TMEM150B: variants seen among roughly 807,000 people sequenced by gnomAD.
The protein encoded by TMEM150B is modulator of macroautophagy TMEM150B.
TMEM150B carries 33 observed loss-of-function variants against 25.2 expected under a neutral mutation model. The observed-to-expected ratio is 1.31, with a 90% CI of 0.99 to 1.75. The LOEUF is 1.75. Ranked by LOEUF, TMEM150B falls within the 40% of genes most tolerant of loss-of-function variation. TMEM150B has a pLI of 0.00. For synonymous variants in TMEM150B, 133 were observed against 134.8 expected, an observed-to-expected ratio of 0.99 and a Z score of 0.09; for missense variants, 322 against 306.1, an observed-to-expected ratio of 1.05 and a Z score of -0.39.
chr19:55,322,429 G>T (rs1391591600), intron 2 of TMEM150B, among the ~76,000 whole-genome samples: 3 of 152,136 alleles, frequency 2.0e-5, no homozygotes, highest in Non-Finnish European at 4.4e-5. Flanking sequence ...AGGTGCATGA[G>T]ATTGTGGCCA....
At chr19:55,321,328 TC>T (rs2089202879) in intron 2 of TMEM150B, among the ~76,000 whole-genome samples, 1 of 149,742 alleles carries the variant, frequency 6.7e-6, no homozygotes, top group Admixed American at 6.6e-5. Context: ...TCCCAGCCTC[TC>T]CTTGCACCTC....
At position 55,320,342 on chromosome 19, in the gene TMEM150B, G is replaced by T. The variant is rs753804471; in HGVS notation, c.196+49C>A. The T allele has an allele frequency of 1.3e-6, 2 of 1,502,556 alleles. 1 individual carries two copies. Among genetic ancestry groups the T allele is most frequent in the Admixed American group, 4.7e-5 (2 of 42,208 alleles). The allele number at this position is 1,502,556 out of a possible 1,614,324, so 93.1% of individuals were successfully genotyped here. On this transcript the variant is annotated intron_variant, in intron 5 of 7. Transcript: ENST00000326652. ...TGAGAAAGGAGCGGTTTCGGAACTCGCTTGGCTGGGCTTGGGAGCACTGAA... is the reference window on the plus strand; with the variant it reads ...TGAGAAAGGAGCGGTTTCGGAACTCTCTTGGCTGGGCTTGGGAGCACTGAA...
chr19:55,314,236 G>C (rs2088917404), intron 7 of TMEM150B, among the ~76,000 whole-genome samples: 1 of 152,132 alleles, frequency 6.6e-6, no homozygotes, highest in South Asian at 2.1e-4. Context: ...TGGCCAGACA[G>C]GTCTTGAACT....
chr19:55,312,286 T>G (rs1472599919), downstream of TMEM150B: 1 of 296,544 alleles, frequency 3.4e-6, no homozygotes, highest in East Asian at 5.6e-5. Context: ...ATTTATTGAT[T>G]AATTTATTAT....
intron 5 of TMEM150B, 34 bp from the exon 6 acceptor site, chr19:55,320,200 G>T (rs1183814035): frequency 1.2e-6 from 2 of 1,606,496 alleles, no homozygotes; most frequent in Admixed American, 3.4e-5. Context: ...GTGGGAGGGA[G>T]ACCCACCAAG....
At position 55,322,697 on chromosome 19, in the gene TMEM150B, C is replaced by T. The variant is rs2089238562; in HGVS notation, c.-107G>A. On this transcript the variant is annotated 5_prime_UTR_variant, in exon 2 of 8. Coordinates refer to ENST00000326652, the MANE Select transcript of TMEM150B (RefSeq NM_001282011.2). ...AGTCCTGGAGCTGGGGCTGGGTGAGCTCAGGGAAGAAGGGCTGGCATTCGG... is the reference window on the plus strand; with the variant it reads ...AGTCCTGGAGCTGGGGCTGGGTGAGTTCAGGGAAGAAGGGCTGGCATTCGG... The T allele has an allele frequency of 1.0e-6, 1 of 985,336 alleles. No individual in the cohort carries two copies. Among genetic ancestry groups the T allele is most frequent in the Non-Finnish European group, 1.2e-6 (1 of 830,044 alleles). The allele number at this position is 985,336 out of a possible 1,614,324, so 61.0% of individuals were successfully genotyped here. A position where few individuals can be genotyped will look rare whatever the true frequency, so the allele number is the denominator to read the frequency against.
At chr19:55,311,184 A>C (rs1425646024), downstream of TMEM150B, among the ~76,000 whole-genome samples, 1 of 150,966 alleles carries the variant, frequency 6.6e-6, no homozygotes, top group African/African-American at 2.4e-5. Flanking sequence ...CTGGTCTCAA[A>C]CTCCTGACCT....
intron 6 of TMEM150B, among the ~76,000 whole-genome samples, chr19:55,317,962 TAAAC>T (rs900079157): frequency 6.6e-6 from 1 of 150,772 alleles, no homozygotes; most frequent in Non-Finnish European, 1.5e-5. Flanking sequence ...CAAAAATAAA[TAAAC>T]AAATAATAAA....
In TMEM150B at chr19:55,322,753, C is replaced by CA. The variant is rs1171678901; in HGVS notation, c.-153-11dup. ...GGCTCAGGCAGACATCCTGCAGAGG[C>CA]AAAGTCCAGGCTGCAGGACTGCCTG... On this transcript the variant is annotated splice_polypyrimidine_tract_variant and intron_variant, in intron 1 of 7. Transcript: ENST00000326652. The CA allele has an allele frequency of 5.1e-6, 5 of 984,910 alleles. No individual in the cohort carries two copies. The highest frequency in any genetic ancestry group is 2.4e-6 in the Non-Finnish European group (2 of 829,662). The allele number at this position is 984,910 out of a possible 1,614,324, so 61.0% of individuals were successfully genotyped here. A position where few individuals can be genotyped will look rare whatever the true frequency, so the allele number is the denominator to read the frequency against.
At chr19:55,315,692 C>T (rs973043737) in intron 7 of TMEM150B, among the ~76,000 whole-genome samples, 4 of 150,212 alleles carry the variant, frequency 2.7e-5, no homozygotes, top group South Asian at 4.2e-4. Context: ...ACCTGGGAGG[C>T]GGAGCTTACA....
intron 1 of TMEM150B, 77 bp downstream of exon 1, chr19:55,325,195 G>T: frequency 1.2e-6 from 1 of 856,016 alleles, no homozygotes; most frequent in Non-Finnish European, 1.4e-6. Context: ...GACCTGCTTG[G>T]ACCCTCCCTG....
chr19:55,318,560 C>T (rs2089083460), intron 6 of TMEM150B, among the ~76,000 whole-genome samples: 1 of 151,972 alleles, frequency 6.6e-6, no homozygotes, highest in Admixed American at 6.6e-5. Flanking sequence ...CGCTTGAACC[C>T]AGCAGGCGGA....
Position 55,312,922 on chromosome 19 carries a change from A to AAC in TMEM150B, c.637_638dup (p.Gln214PhefsTer?). On this transcript the variant is annotated frameshift_variant, in exon 8 of 8. Transcript: ENST00000326652. LOFTEE classifies it low-confidence loss of function (END_TRUNC). ...GGGGGCTGAGGCTGGGCCACGGCTG[A>AAC]ACACACAGGGTGCAGCTCTCCAGGG... 1.9e-6 allele frequency: 3 copies of AAC among 1,610,834 alleles called. No individual in the cohort carries two copies. Among genetic ancestry groups the AAC allele is most frequent in the Non-Finnish European group, 2.5e-6 (3 of 1,178,916 alleles).
chr19:55,311,675 G>C (rs1051197401), downstream of TMEM150B, among the ~76,000 whole-genome samples: 1 of 152,184 alleles, frequency 6.6e-6, no homozygotes, highest in Non-Finnish European at 1.5e-5. Flanking sequence ...AGGGTTGCAG[G>C]GGGCATAGGG....
downstream of TMEM150B, chr19:55,312,253 G>T (rs957925608): frequency 1.7e-5 from 7 of 407,664 alleles, no homozygotes; most frequent in African/African-American, 1.0e-4. Context: ...GGGAACAGGG[G>T]GCGGGGGAGC....
At position 55,324,974 on chromosome 19, in the gene TMEM150B, C is replaced by T. The variant is rs535473593; in HGVS notation, c.-154+298G>A. 1,633 of 692,736 alleles carry T rather than the reference C, an allele frequency of 2.4e-3. 2 individuals carry two copies. The highest frequency in any genetic ancestry group is 2.7e-3 in the Non-Finnish European group (1,506 of 562,812). The allele number at this position is 692,736 out of a possible 1,614,324, so 42.9% of individuals were successfully genotyped here. ...GGGTCCATGCTACCTGCTCCTCCGT[C>T]GGCCCTCAACACTGATCTCCTGCCC... is the stretch of plus-strand genomic sequence containing the variant. On this transcript the variant is annotated intron_variant, in intron 1 of 7. Coordinates refer to ENST00000326652, the MANE Select transcript of TMEM150B (RefSeq NM_001282011.2).
Position 55,320,413 on chromosome 19 carries a change from C to T in TMEM150B, c.174G>A (p.Val58=). Residue 58 remains valine, a synonymous_variant, in exon 5 of 8, where the codon GTG becomes GTA. Transcript: ENST00000326652. The part of the protein sequence containing the change: ...FPPQSCIFSQ[V]LNMGAALAAW... ...TACCCAGAGCAGCTCCCATATTGAG[C>T]ACCTGGCTGAAGATGCAGCTCTGAG... The T allele has an allele frequency of 1.9e-6, 3 of 1,573,786 alleles. No individual in the cohort carries two copies. Among genetic ancestry groups the T allele is most frequent in the Non-Finnish European group, 2.6e-6 (3 of 1,158,310 alleles).
At chr19:55,315,338 A>G (rs922834546) in intron 7 of TMEM150B, among the ~76,000 whole-genome samples, 1 of 150,516 alleles carries the variant, frequency 6.6e-6, no homozygotes, top group Non-Finnish European at 1.5e-5. Context: ...TAACAAGATA[A>G]TAATAATAAT....
chr19:55,324,953 C>T (rs2089296166), intron 1 of TMEM150B: 1 of 869,840 alleles, frequency 1.1e-6, no homozygotes, highest in Non-Finnish European at 1.4e-6. Flanking sequence ...AGGGAGGGGT[C>T]CATGCTACCT....
Sources: gnomAD v4.1 joint callset for allele counts (sites outside exome capture counted in the v4.1 genomes callset) on GRCh38, gnomAD v4.1.1 for gene constraint, MANE v1.5 for transcripts, NCBI Gene and HGNC (gene_info 2026-07-23, HGNC 2026-07-21) for gene names.